ZNF148: variants seen among roughly 807,000 people sequenced by gnomAD.
ZNF148 encodes the protein Beta-Enolase Repressor Factor-1.
A neutral mutation model predicts 67.7 loss-of-function variants in ZNF148; 7 were observed. The ratio of observed to expected loss-of-function variants is 0.10; its 90% CI spans 0.06 to 0.19. The LOEUF is 0.19. ZNF148 is among the 10% of genes least tolerant of loss of function. The pLI is 1.00. For synonymous variants in ZNF148, 333 were observed against 330.7 expected (o/e 1.01, Z -0.08); for missense variants, 583 against 947.1 (o/e 0.62, Z 5.05).
Position 125,313,383 on chromosome 3 carries a change from T to C in ZNF148, c.258A>G (p.Thr86=), listed in dbSNP as rs1286557460. The C allele has an allele frequency of 1.2e-6, 2 of 1,614,194 alleles. No individual in the cohort carries two copies. Among genetic ancestry groups the C allele is most frequent in the Non-Finnish European group, 1.7e-6 (2 of 1,180,018 alleles). ...CCATCTGCTCTTCATCATTTTTCACTGTCTCCTCATGGACCATGAGTTCAT... is the reference window on the plus strand; with the variant it reads ...CCATCTGCTCTTCATCATTTTTCACCGTCTCCTCATGGACCATGAGTTCAT... ...SHDELMVHEE[T]VKNDEEQMET... is the part of the protein sequence containing the mutation. Residue 86 remains threonine (T), a synonymous_variant, in exon 4 of 9, where the codon ACA becomes ACG. Coordinates refer to ENST00000360647, the MANE Select transcript of ZNF148 (RefSeq NM_021964.3).
rs185451268 is a variant in ZNF148 at position 125,335,817 on chromosome 3, T to G, written c.-233-4579A>C. 1.2e-4 allele frequency among the ~76,000 whole-genome samples: 19 copies of G among 152,344 alleles called. No individual in the cohort carries two copies. In the East Asian group the frequency reaches 3.1e-3, roughly 25 times the overall value. The stretch of plus-strand genomic sequence containing the variant: ...TGATACAGTATTTTCAAAGTATATC[T>G]TTACGTTGTTTGCAGAGTATACTTT... On this transcript the variant is annotated intron_variant, in intron 1 of 8. Transcript: ENST00000360647.
At chr3:125,285,764 A>T (rs769218470) in intron 5 of ZNF148, among the ~76,000 whole-genome samples, 3 of 152,132 alleles carry the variant, frequency 2.0e-5, no homozygotes, top group Admixed American at 6.6e-5. Flanking sequence ...AGAATTCTCT[A>T]AAGGGCTACC....
chr3:125,241,627 T>G (rs995109391), intron 7 of ZNF148, among the ~76,000 whole-genome samples: 1 of 152,244 alleles, frequency 6.6e-6, no homozygotes, highest in Admixed American at 6.5e-5. Context: ...ATGTTATTTA[T>G]TTTTCACTGA....
intron 1 of ZNF148, among the ~76,000 whole-genome samples, chr3:125,351,116 A>AG (rs1299647016): frequency 3.3e-5 from 5 of 152,158 alleles, no homozygotes; most frequent in African/African-American, 1.2e-4. Context: ...CCAAGATGGG[A>AG]GGATCGCTTG....
chr3:125,302,503 T>A (rs1366727333), intron 4 of ZNF148, among the ~76,000 whole-genome samples: 1 of 152,212 alleles, frequency 6.6e-6, no homozygotes, highest in African/African-American at 2.4e-5. Context: ...ATTTCTCATG[T>A]CTCTTATGTT....
chr3:125,306,802 G>T (rs572329313), intron 4 of ZNF148, among the ~76,000 whole-genome samples: 1 of 152,180 alleles, frequency 6.6e-6, no homozygotes, highest in Middle Eastern at 3.4e-3. Flanking sequence ...TGAGATTACA[G>T]TGAGCTGTGA....
chr3:125,293,207 C>T (rs994873729), intron 4 of ZNF148, among the ~76,000 whole-genome samples: 5 of 152,000 alleles, frequency 3.3e-5, no homozygotes, highest in Non-Finnish European at 7.4e-5. Context: ...TAAAGGGACC[C>T]CACGGCCAGA....
Position 125,343,779 on chromosome 3 carries a change from T to G in ZNF148, c.-233-12541A>C, listed in dbSNP as rs1032410635. On this transcript the variant is annotated intron_variant, in intron 1 of 8. Transcript: ENST00000360647. ...AATAAACCTTGCTACCGCTCACTCTTTGGGTCCGTGCCATCTTTAAGAGCT... is the reference window on the plus strand; with the variant it reads ...AATAAACCTTGCTACCGCTCACTCTGTGGGTCCGTGCCATCTTTAAGAGCT... Among the ~76,000 whole-genome samples, 4 of 152,108 alleles carry G rather than the reference T, an allele frequency of 2.6e-5. No individual in the cohort carries two copies. The South Asian group carries it at 8.3e-4, about 32-fold the overall frequency.
At chr3:125,286,969 AG>A (rs1938694081) in intron 5 of ZNF148, among the ~76,000 whole-genome samples, 1 of 152,182 alleles carries the variant, frequency 6.6e-6, no homozygotes, top group Non-Finnish European at 1.5e-5. Context: ...AGGAATCAGG[AG>A]GTATAGAAAC....
chr3:125,270,012 T>C (rs149433566), intron 7 of ZNF148, among the ~76,000 whole-genome samples: 1,927 of 152,270 alleles, frequency 0.013, 24 homozygotes, highest in Non-Finnish European at 0.018. Flanking sequence ...GGGTACTATG[T>C]TCACTGTCTG....
chr3:125,261,825 GTTTTTT>G (rs1553809856), intron 7 of ZNF148, among the ~76,000 whole-genome samples: 1 of 138,948 alleles, frequency 7.2e-6, no homozygotes, highest in Admixed American at 7.2e-5. Flanking sequence ...GGGTTGACAA[GTTTTTT>G]TTTTTTTTTT....
At chr3:125,263,966 C>G (rs1225375040) in intron 7 of ZNF148, among the ~76,000 whole-genome samples, 1 of 152,174 alleles carries the variant, frequency 6.6e-6, no homozygotes, top group East Asian at 1.9e-4. Flanking sequence ...ATCCATCATG[C>G]CTACATTACT....
chr3:125,247,889 G>A (rs1019373630), intron 7 of ZNF148, among the ~76,000 whole-genome samples: 1 of 152,116 alleles, frequency 6.6e-6, no homozygotes, highest in African/African-American at 2.4e-5. Context: ...GTTGATCTAG[G>A]AAGTATACAT....
At chr3:125,324,184 TA>T (rs71625789) in intron 2 of ZNF148, among the ~76,000 whole-genome samples, 1 of 151,310 alleles carries the variant, frequency 6.6e-6, no homozygotes. Context: ...AGTATAATAA[TA>T]AAAAAAATAA....
chr3:125,327,170 A>G (rs564658708), intron 2 of ZNF148, among the ~76,000 whole-genome samples: 7 of 152,328 alleles, frequency 4.6e-5, no homozygotes, highest in African/African-American at 1.7e-4. Flanking sequence ...ATATTTCGTA[A>G]TAATAAACAG....
chr3:125,265,195 T>C (rs892723478), intron 7 of ZNF148, among the ~76,000 whole-genome samples: 1 of 152,270 alleles, frequency 6.6e-6, no homozygotes, highest in African/African-American at 2.4e-5. Context: ...AAGGCCTAGA[T>C]AATGTTAGAC....
intron 1 of ZNF148, among the ~76,000 whole-genome samples, chr3:125,366,758 A>T (rs1579916622): frequency 6.6e-6 from 1 of 152,134 alleles, no homozygotes; most frequent in African/African-American, 2.4e-5. Flanking sequence ...TCTCACCTCC[A>T]AGCCTTTGCT....
chr3:125,341,376 T>G (rs899662329), intron 1 of ZNF148, among the ~76,000 whole-genome samples: 1 of 150,274 alleles, frequency 6.7e-6, no homozygotes, highest in African/African-American at 2.4e-5. Context: ...TTCAGCACTT[T>G]GGGAAGATGA....
At chr3:125,336,795 G>A (rs1344324556) in intron 1 of ZNF148, among the ~76,000 whole-genome samples, 9 of 147,134 alleles carry the variant, frequency 6.1e-5, no homozygotes, top group African/African-American at 2.3e-4. Context: ...CCCTGCCTCA[G>A]CCTCCCACAT....
Sources: allele counts gnomAD v4.1 joint callset (sites outside exome capture counted in the v4.1 genomes callset), GRCh38; gene constraint gnomAD v4.1.1; transcripts MANE v1.5; gene names NCBI Gene and HGNC (gene_info 2026-07-23, HGNC 2026-07-21).